GRID2: variants seen among roughly 807,000 people sequenced by gnomAD.
GRID2 encodes glutamate receptor ionotropic, delta-2.
Under a neutral mutation model 114.8 loss-of-function variants are expected in GRID2, and 33 were observed. The ratio of observed to expected loss-of-function variants is 0.29; its 90% CI spans 0.22 to 0.38. The LOEUF (loss-of-function observed/expected upper bound fraction) is 0.38. Ranked by LOEUF, GRID2 falls within the 10% of genes least tolerant of loss-of-function variation. GRID2 has a pLI of 1.00. For missense variants in GRID2, 1,184 were observed against 1,257.7 expected (o/e 0.94, Z 0.89); for synonymous variants, 505 against 449.9 (o/e 1.12, Z -1.55).
chr4:93,401,626 A>G (rs1208224914), intron 9 of GRID2, among the ~76,000 whole-genome samples: 1 of 152,208 alleles, frequency 6.6e-6, no homozygotes, highest in Non-Finnish European at 1.5e-5. Context: ...AAATATACCA[A>G]TTAGAAAACA....
At chr4:93,469,848 G>A (rs72668746) in intron 11 of GRID2, among the ~76,000 whole-genome samples, 19 of 152,154 alleles carry the variant, frequency 1.2e-4, no homozygotes, top group South Asian at 6.2e-4. Context: ...TAGTGCAACC[G>A]GTCCCCTGTA....
At chr4:93,724,409 T>C (rs1729657005) in intron 14 of GRID2, among the ~76,000 whole-genome samples, 1 of 152,194 alleles carries the variant, frequency 6.6e-6, no homozygotes, top group Admixed American at 6.5e-5. Context: ...AGTTACTTAT[T>C]ATGCTTTTAA....
rs1723141017 is a variant in GRID2 at position 93,455,876 on chromosome 4, T to G, written c.1760T>G (p.Leu587Trp). 1 of 1,609,726 alleles carries G rather than the reference T, an allele frequency of 6.2e-7. No homozygotes were observed. Among genetic ancestry groups the G allele is most frequent in the Non-Finnish European group, 8.5e-7 (1 of 1,175,966 alleles). Residue 587 changes from leucine to tryptophan, a missense_variant, in exon 11 of 16, where the codon TTG (leucine) becomes TGG (tryptophan). Physicochemically the swap from Leu to Trp is moderately conservative, Grantham distance 61. This residue lies in a region of GRID2 where 717 missense variants were observed against 796.9 expected (regional missense o/e 0.90). Transcript: ENST00000282020. ...CTGGTGGGTCTACTGGTCTACCTCT[T>G]GAACTGGCTTAATCCCCCACGATTA... ...VLLVGLLVYL[L>W]NWLNPPRLQM... is the part of the protein sequence containing the mutation.
At chr4:93,603,831 A>G (rs573815891) in intron 13 of GRID2, among the ~76,000 whole-genome samples, 1 of 152,266 alleles carries the variant, frequency 6.6e-6, no homozygotes, top group African/African-American at 2.4e-5. Context: ...ATGGCACCAC[A>G]TCTGGTTACA....
chr4:93,524,937 T>A (rs961788405), intron 13 of GRID2, among the ~76,000 whole-genome samples: 3 of 151,018 alleles, frequency 2.0e-5, no homozygotes, highest in Non-Finnish European at 4.4e-5. Context: ...ACCAACCTGC[T>A]GTTGACAGAG....
chr4:92,612,510 A>T (rs1174238087), intron 2 of GRID2, among the ~76,000 whole-genome samples: 7 of 151,480 alleles, frequency 4.6e-5, no homozygotes, highest in Non-Finnish European at 1.0e-4. Context: ...ATTAGTAACA[A>T]TTCTGTTGAA....
intron 8 of GRID2, among the ~76,000 whole-genome samples, chr4:93,328,190 A>G (rs1758051954): frequency 1.3e-5 from 2 of 152,164 alleles, no homozygotes; most frequent in Admixed American, 6.6e-5. Flanking sequence ...GATGTAAATG[A>G]GATAATGCCA....
At position 92,304,664 on chromosome 4, in the gene GRID2, T is replaced by G. The variant is rs1418524552; in HGVS notation, c.8T>G (p.Val3Gly). The change falls in exon 1 of 16, where the codon GTT becomes GGT. Residue 3 changes from valine to glycine, a missense_variant. Coordinates refer to ENST00000282020, the MANE Select transcript of GRID2 (RefSeq NM_001510.4). MEVFPFLLVLSVW... is the reference protein window; with the variant it reads MEGFPFLLVLSVW... ...GAATCGGCATAGGAGGAGATGGAAG[T>G]TTTCCCCTTTCTCTTGGTTTTGTCC... 3.1e-6 allele frequency: 5 copies of G among 1,611,802 alleles called. No homozygotes were observed. Among genetic ancestry groups the G allele is most frequent in the Non-Finnish European group, 4.2e-6 (5 of 1,178,130 alleles).
At chr4:92,991,000 C>G (rs1578692890) in intron 2 of GRID2, among the ~76,000 whole-genome samples, 1 of 152,232 alleles carries the variant, frequency 6.6e-6, no homozygotes, top group East Asian at 1.9e-4. Flanking sequence ...TGGTAGCCAT[C>G]TTGAATGTCA....
Position 93,395,522 on chromosome 4 carries a change from T to C in GRID2, c.1246-85T>C, listed in dbSNP as rs1450364648. 4 of 676,108 alleles carry C rather than the reference T, an allele frequency of 5.9e-6. No homozygotes were observed. The Admixed American group carries it at 6.3e-5, about 11-fold the overall frequency. The allele number at this position is 676,108 out of a possible 1,614,324, so 41.9% of individuals were successfully genotyped here. A position where few individuals can be genotyped will look rare whatever the true frequency, so the allele number is the denominator to read the frequency against. Reference sequence around the variant, plus strand: ...TCCATACCAATTATTCTAAGAGCTATCACATAGTTCTCCATAAAGACTATA... The same window carrying C: ...TCCATACCAATTATTCTAAGAGCTACCACATAGTTCTCCATAAAGACTATA... On this transcript the variant is annotated intron_variant, in intron 8 of 15. Coordinates refer to ENST00000282020, the MANE Select transcript of GRID2 (RefSeq NM_001510.4).
intron 4 of GRID2, among the ~76,000 whole-genome samples, chr4:93,198,133 C>A (rs1385224802): frequency 6.6e-6 from 1 of 152,120 alleles, no homozygotes; most frequent in African/African-American, 2.4e-5. Context: ...CCATTCCTAG[C>A]AATCCATTTT....
rs1045619519 is a variant in GRID2 at position 93,681,101 on chromosome 4, T to C, written c.2360+54666T>C. Among the ~76,000 whole-genome samples the C allele has an allele frequency of 4.0e-5, 6 of 151,384 alleles. No homozygotes were observed. In the East Asian group the frequency reaches 9.6e-4, roughly 24 times the overall value. On this transcript the variant is annotated intron_variant, in intron 14 of 15. Coordinates refer to ENST00000282020, the MANE Select transcript of GRID2 (RefSeq NM_001510.4). ...GCAAAGTCTCAGGATACAAAATCAG[T>C]GTACAAAAATCACAAGCATTCTTAT... is the stretch of plus-strand genomic sequence containing the variant.
intron 2 of GRID2, among the ~76,000 whole-genome samples, chr4:92,798,022 G>A (rs1739974833): frequency 3.3e-5 from 5 of 151,788 alleles, no homozygotes; most frequent in Admixed American, 3.3e-4. Context: ...CTTTTTTAAG[G>A]TCCTGAATCA....
chr4:93,133,584 T>C (rs1020953202), intron 4 of GRID2, among the ~76,000 whole-genome samples: 2 of 152,190 alleles, frequency 1.3e-5, no homozygotes, highest in African/African-American at 4.8e-5. Context: ...TACTATGACT[T>C]TCAATTATCT....
chr4:92,397,541 T>C (rs188362382), intron 1 of GRID2, among the ~76,000 whole-genome samples: 1 of 152,124 alleles, frequency 6.6e-6, no homozygotes, highest in Admixed American at 6.5e-5. Context: ...AAAGAAATTA[T>C]TTATGTCACC....
intron 3 of GRID2, among the ~76,000 whole-genome samples, chr4:93,097,863 T>C (rs1049902955): frequency 6.6e-6 from 1 of 151,978 alleles, no homozygotes; most frequent in South Asian, 2.1e-4. Context: ...GGAATAATAT[T>C]AAATAAGTAG....
At chr4:93,226,899 C>A (rs1296989859) in intron 7 of GRID2, among the ~76,000 whole-genome samples, 1 of 152,156 alleles carries the variant, frequency 6.6e-6, no homozygotes, top group East Asian at 1.9e-4. Context: ...GATACCACAG[C>A]TTACTACTTG....
intron 14 of GRID2, among the ~76,000 whole-genome samples, chr4:93,677,727 G>T (rs1339879557): frequency 6.6e-6 from 1 of 152,130 alleles, no homozygotes; most frequent in Non-Finnish European, 1.5e-5. Context: ...GGTCCTGTCT[G>T]TTAGAAGGAA....
At chr4:92,756,346 A>G (rs997791991) in intron 2 of GRID2, among the ~76,000 whole-genome samples, 18 of 152,142 alleles carry the variant, frequency 1.2e-4, no homozygotes, top group African/African-American at 4.1e-4. Flanking sequence ...TCATCTCTTG[A>G]CGGACACTTA....
Sources: gnomAD v4.1 joint callset for allele counts (sites outside exome capture counted in the v4.1 genomes callset) on GRCh38, gnomAD v4.1.1 for gene constraint, gnomAD v4.1.1 regional missense constraint, MANE v1.5 for transcripts, NCBI Gene and HGNC (gene_info 2026-07-23, HGNC 2026-07-21) for gene names.